The following CNTNAP2 variants were observed in gnomAD, a reference collection of about 807,000 sequenced individuals.
CNTNAP2 encodes the protein contactin-associated protein-like 2.
A neutral mutation model predicts 155.2 loss-of-function variants in CNTNAP2; 98 were observed. That is an observed-to-expected ratio of 0.63 (90% CI 0.54 to 0.75). CNTNAP2 has a LOEUF of 0.75. Ranked by LOEUF, CNTNAP2 falls within the 30% of genes least tolerant of loss-of-function variation. CNTNAP2 has a pLI of 0.00. For missense variants in CNTNAP2, 1,727 were observed against 1,688.1 expected (o/e 1.02, Z -0.40); for synonymous variants, 651 against 631.2 (o/e 1.03, Z -0.47).
chr7:147,775,405 ATATATATATT>A (rs1204852394), intron 13 of CNTNAP2, among the ~76,000 whole-genome samples: 1 of 98,286 alleles, frequency 1.0e-5, no homozygotes, highest in African/African-American at 3.9e-5. Context: ...ATATATATTT[ATATATATATT>A]TATATATATA....
intron 1 of CNTNAP2, among the ~76,000 whole-genome samples, chr7:146,637,686 T>G (rs1243978916): frequency 6.6e-6 from 1 of 152,144 alleles, no homozygotes; most frequent in African/African-American, 2.4e-5. Flanking sequence ...CACACTGGTG[T>G]GTAATGTGCA....
intron 4 of CNTNAP2, among the ~76,000 whole-genome samples, chr7:147,060,518 C>T (rs1799643309): frequency 6.6e-6 from 1 of 151,988 alleles, no homozygotes; most frequent in Admixed American, 6.6e-5. Flanking sequence ...GTCAGGAGAT[C>T]GAGACCATCC....
chr7:146,768,396 G>C (rs1418173310), intron 1 of CNTNAP2, among the ~76,000 whole-genome samples: 1 of 151,738 alleles, frequency 6.6e-6, no homozygotes, highest in Admixed American at 6.6e-5. Flanking sequence ...CTGCTCCTGA[G>C]TGTCCCGATG....
chr7:146,244,230 A>C lies in CNTNAP2; in HGVS notation c.97+127257A>C, dbSNP rs537040736. ...GCAAAGATTATTTATTTACTTCAAGAGTTAAGAGTGGCAGTTTGGGGATAG... is the reference window on the plus strand; with the variant it reads ...GCAAAGATTATTTATTTACTTCAAGCGTTAAGAGTGGCAGTTTGGGGATAG... On this transcript the variant is annotated intron_variant, in intron 1 of 23. Coordinates refer to ENST00000361727, the MANE Select transcript of CNTNAP2 (RefSeq NM_014141.6). 2.0e-5 allele frequency among the ~76,000 whole-genome samples: 3 copies of C among 152,318 alleles called. No homozygotes were observed. The East Asian group carries it at 5.8e-4, about 29-fold the overall frequency.
intron 3 of CNTNAP2, among the ~76,000 whole-genome samples, chr7:147,018,269 G>C (rs1472982412): frequency 6.6e-6 from 1 of 152,044 alleles, no homozygotes; most frequent in Non-Finnish European, 1.5e-5. Context: ...ATAGAGAGCT[G>C]CAAGACAAGC....
In CNTNAP2 at chr7:146,869,786, G is replaced by A. The variant is rs545736390; in HGVS notation, c.402+29882G>A. On this transcript the variant is annotated intron_variant, in intron 3 of 23. Coordinates refer to ENST00000361727, the MANE Select transcript of CNTNAP2 (RefSeq NM_014141.6). ...ACTCAGCAAGTCAGCTTCTTCCACC[G>A]TCTTCTGCCTGCTTTTTCTAGTTGC... Among the ~76,000 whole-genome samples, 103 of 152,174 alleles carry A rather than the reference G, an allele frequency of 6.8e-4. No homozygotes were observed. In the South Asian group the frequency reaches 8.7e-3, roughly 13 times the overall value.
At chr7:146,265,769 T>C (rs993179950) in intron 1 of CNTNAP2, among the ~76,000 whole-genome samples, 5 of 152,200 alleles carry the variant, frequency 3.3e-5, no homozygotes, top group Non-Finnish European at 7.3e-5. Context: ...CTGAGTATAT[T>C]TTCAAATGTA....
rs961017067 is a variant in CNTNAP2, at chr7:147,516,862, T to G, written c.1777+30821T>G. ...TTCTTTCTTTTCTTTTTTTTTTTTT[T>G]TTTTGCGTGTGTGTGTGTGTGACAT... On this transcript the variant is annotated intron_variant, in intron 11 of 23. Coordinates refer to ENST00000361727, the MANE Select transcript of CNTNAP2 (RefSeq NM_014141.6). 5.2e-4 allele frequency among the ~76,000 whole-genome samples: 76 copies of G among 147,058 alleles called. 1 individual carries two copies. Among genetic ancestry groups the G allele is most frequent in the Admixed American group, 5.1e-3 (75 of 14,814 alleles).
intron 1 of CNTNAP2, among the ~76,000 whole-genome samples, chr7:146,525,936 C>T (rs928338120): frequency 2.0e-5 from 3 of 152,092 alleles, no homozygotes; most frequent in African/African-American, 7.2e-5. Context: ...CCAATGGAGC[C>T]ACACAGTGGA....
intron 1 of CNTNAP2, among the ~76,000 whole-genome samples, chr7:146,625,853 C>A (rs1435439896): frequency 1.3e-5 from 2 of 152,038 alleles, no homozygotes; most frequent in African/African-American, 4.8e-5. Flanking sequence ...TCCCAGTGTA[C>A]TCACACAAGC....
chr7:146,805,048 G>A (rs905586412), intron 2 of CNTNAP2, among the ~76,000 whole-genome samples: 1 of 152,200 alleles, frequency 6.6e-6, no homozygotes, highest in Non-Finnish European at 1.5e-5. Flanking sequence ...CGAACAAGAG[G>A]CAAAAGTGGA....
intron 3 of CNTNAP2, among the ~76,000 whole-genome samples, chr7:146,923,391 C>T (rs906776572): frequency 2.0e-5 from 3 of 152,132 alleles, no homozygotes; most frequent in Non-Finnish European, 2.9e-5. Context: ...TATTATACAG[C>T]ATTCACTACT....
At chr7:147,166,456 G>A (rs1195077764) in intron 8 of CNTNAP2, among the ~76,000 whole-genome samples, 1 of 152,142 alleles carries the variant, frequency 6.6e-6, no homozygotes, top group Non-Finnish European at 1.5e-5. Flanking sequence ...CCGCTCGGGT[G>A]ATGGGTGCAC....
intron 13 of CNTNAP2, among the ~76,000 whole-genome samples, chr7:147,740,863 A>G (rs1441972020): frequency 6.6e-6 from 1 of 152,174 alleles, no homozygotes; most frequent in Non-Finnish European, 1.5e-5. Flanking sequence ...AAGGGGAGCA[A>G]GAGGGAGGGC....
intron 8 of CNTNAP2, among the ~76,000 whole-genome samples, chr7:147,256,311 T>C (rs1480648320): frequency 6.6e-6 from 1 of 152,120 alleles, no homozygotes; most frequent in Non-Finnish European, 1.5e-5. Flanking sequence ...ACACTGTCTT[T>C]AGATTATAAA....
At chr7:146,526,879 C>T (rs183025529) in intron 1 of CNTNAP2, among the ~76,000 whole-genome samples, 4 of 151,972 alleles carry the variant, frequency 2.6e-5, no homozygotes, top group East Asian at 3.9e-4. Flanking sequence ...TGTCAGTTTA[C>T]GTTGTGACCA....
intron 1 of CNTNAP2, among the ~76,000 whole-genome samples, chr7:146,554,530 AT>A (rs999348908): frequency 2.6e-5 from 4 of 151,984 alleles, no homozygotes; most frequent in African/African-American, 9.7e-5. Context: ...AGTCCCACAT[AT>A]TTTTTTCTGA....
At chr7:146,384,922 T>A (rs919403705) in intron 1 of CNTNAP2, among the ~76,000 whole-genome samples, 1 of 152,190 alleles carries the variant, frequency 6.6e-6, no homozygotes, top group African/African-American at 2.4e-5. Flanking sequence ...GGGCGGTAAA[T>A]GGGATGATCT....
At chr7:147,673,092 T>C (rs1403993085) in intron 13 of CNTNAP2, 2 of 152,156 alleles carry the variant, frequency 1.3e-5, no homozygotes, top group South Asian at 2.1e-4. Context: ...TACAAATCAA[T>C]GGATTTGATT....
Sources: gnomAD v4.1 joint callset for allele counts (sites outside exome capture counted in the v4.1 genomes callset) on GRCh38, gnomAD v4.1.1 for gene constraint, MANE v1.5 for transcripts, NCBI Gene and HGNC (gene_info 2026-07-23, HGNC 2026-07-21) for gene names.